Variants in NTM observed in about 807,000 individuals in gnomAD.
NTM encodes neurotrimin.
In NTM, 13 loss-of-function variants were observed where a neutral mutation model predicts 42.1. That is an observed-to-expected ratio of 0.31 (90% CI 0.20 to 0.49). The LOEUF (loss-of-function observed/expected upper bound fraction) is 0.49, where lower values mean the gene tolerates loss of function less well. Ranked by LOEUF, NTM falls within the 20% of genes least tolerant of loss-of-function variation. The pLI is 0.99. For synonymous variants in NTM, 187 were observed against 179.2 expected (o/e 1.04, Z -0.35); for missense variants, 373 against 452.8 (o/e 0.82, Z 1.60).
chr11:131,794,952 A>C, intron 1 of NTM: 1 of 985,238 alleles, frequency 1.0e-6, no homozygotes, highest in Non-Finnish European at 1.2e-6. Flanking sequence ...CTGAACCCGC[A>C]TGTCAGTGCC....
At chr11:131,373,983 C>T (rs879657966) in intron 1 of NTM, among the ~76,000 whole-genome samples, 3 of 152,220 alleles carry the variant, frequency 2.0e-5, no homozygotes, top group Non-Finnish European at 4.4e-5. Context: ...TCCTGCCATG[C>T]ACAGTACACA....
At chr11:131,847,606 C>A (rs945772289) in intron 1 of NTM, among the ~76,000 whole-genome samples, 2 of 152,208 alleles carry the variant, frequency 1.3e-5, no homozygotes, top group South Asian at 4.1e-4. Flanking sequence ...CTCTTCTCCC[C>A]ACTTGTTCTG....
intron 1 of NTM, among the ~76,000 whole-genome samples, chr11:131,763,090 G>A (rs1300065689): frequency 1.3e-5 from 2 of 152,296 alleles, no homozygotes; most frequent in East Asian, 3.9e-4. Context: ...TAGAGCAGGG[G>A]CTGGTTTTAT....
intron 1 of NTM, among the ~76,000 whole-genome samples, chr11:131,391,831 A>G (rs1274319101): frequency 6.6e-6 from 1 of 152,036 alleles, no homozygotes; most frequent in Non-Finnish European, 1.5e-5. Flanking sequence ...TAATGCTTCA[A>G]AATATATAGG....
chr11:131,771,933 A>G (rs922586466), intron 1 of NTM, among the ~76,000 whole-genome samples: 3 of 152,180 alleles, frequency 2.0e-5, no homozygotes, highest in Non-Finnish European at 2.9e-5. Flanking sequence ...CATAATTCCC[A>G]GGATTTTTTC....
At chr11:131,517,376 C>T (rs1463658760) in intron 1 of NTM, among the ~76,000 whole-genome samples, 1 of 152,212 alleles carries the variant, frequency 6.6e-6, no homozygotes, top group Non-Finnish European at 1.5e-5. Flanking sequence ...TCACCTCCAT[C>T]CTTGGTTACG....
At chr11:132,326,540 C>G (rs556420176) in intron 7 of NTM, among the ~76,000 whole-genome samples, 1 of 152,338 alleles carries the variant, frequency 6.6e-6, no homozygotes, top group South Asian at 2.1e-4. Flanking sequence ...CTCCTGTGAA[C>G]TGATGACTCT....
At chr11:132,049,166 G>C (rs554928) in intron 2 of NTM, among the ~76,000 whole-genome samples, 86,173 of 151,952 alleles carry the variant, frequency 0.57, 26,503 homozygotes, top group African/African-American at 0.8. Flanking sequence ...AACAAAAGAG[G>C]AAATCAGACA....
intron 1 of NTM, among the ~76,000 whole-genome samples, chr11:131,737,290 C>G (rs147795202): frequency 2.6e-5 from 4 of 152,058 alleles, no homozygotes; most frequent in East Asian, 1.9e-4. Context: ...TTGGAAGGGT[C>G]GAAGCAGAGC....
At chr11:131,860,598 C>A (rs547613177) in intron 1 of NTM, among the ~76,000 whole-genome samples, 1 of 152,162 alleles carries the variant, frequency 6.6e-6, no homozygotes, top group Non-Finnish European at 1.5e-5. Context: ...ATTGCTTGCA[C>A]GGATAATCTA....
chr11:132,292,819 A>AAT (rs2094495575), intron 4 of NTM, among the ~76,000 whole-genome samples: 1 of 151,268 alleles, frequency 6.6e-6, no homozygotes. Flanking sequence ...AAAAACTAAA[A>AAT]AATGTTGGAT....
chr11:131,815,369 C>A (rs1172786893), intron 1 of NTM, among the ~76,000 whole-genome samples: 1 of 152,126 alleles, frequency 6.6e-6, no homozygotes, highest in Non-Finnish European at 1.5e-5. Flanking sequence ...CCATCCCAGC[C>A]CTCGCCCACC....
intron 1 of NTM, among the ~76,000 whole-genome samples, chr11:131,496,445 G>C (rs1218328229): frequency 6.6e-6 from 1 of 152,226 alleles, no homozygotes; most frequent in South Asian, 2.1e-4. Context: ...TCAGCGTCTT[G>C]CTGCAGACAA....
At chr11:132,108,849 AC>A (rs1411658781) in intron 2 of NTM, among the ~76,000 whole-genome samples, 1 of 151,850 alleles carries the variant, frequency 6.6e-6, no homozygotes, top group African/African-American at 2.4e-5. Context: ...TGCCATCCTT[AC>A]CCCCACTCAC....
intron 1 of NTM, among the ~76,000 whole-genome samples, chr11:131,511,019 C>T (rs1591883041): frequency 6.6e-6 from 1 of 152,086 alleles, no homozygotes; most frequent in East Asian, 1.9e-4. Flanking sequence ...GAGGAAGTCA[C>T]CCTCTCGGGA....
intron 3 of NTM, among the ~76,000 whole-genome samples, chr11:132,189,991 G>A (rs959315173): frequency 3.3e-5 from 5 of 152,170 alleles, no homozygotes; most frequent in Non-Finnish European, 7.3e-5. Flanking sequence ...ACGAATAGTT[G>A]CTAAGACAAA....
chr11:131,839,340 C>T (rs2043931990), intron 1 of NTM, among the ~76,000 whole-genome samples: 1 of 152,124 alleles, frequency 6.6e-6, no homozygotes, highest in Non-Finnish European at 1.5e-5. Context: ...AGGACCAGGG[C>T]AGGTTGCAAT....
chr11:131,627,004 C>T (rs562276154), intron 1 of NTM, among the ~76,000 whole-genome samples: 37 of 152,264 alleles, frequency 2.4e-4, no homozygotes, highest in Middle Eastern at 3.4e-3. Flanking sequence ...TAATGAGATG[C>T]GAGGATCTGG....
intron 1 of NTM, among the ~76,000 whole-genome samples, chr11:131,439,898 G>A (rs576664135): frequency 2.7e-5 from 4 of 150,388 alleles, no homozygotes; most frequent in South Asian, 2.1e-4. Flanking sequence ...CATTGATTAC[G>A]CTGGGCACTG....
Sources: allele counts gnomAD v4.1 joint callset (sites outside exome capture counted in the v4.1 genomes callset), GRCh38; gene constraint gnomAD v4.1.1; transcripts MANE v1.5; gene names NCBI Gene and HGNC (gene_info 2026-07-23, HGNC 2026-07-21).